Variants in UNC5B observed in about 807,000 individuals in gnomAD.
UNC5B encodes the protein unc-5 netrin receptor B.
UNC5B carries 56 observed loss-of-function variants against 103.7 expected under a neutral mutation model. The ratio of observed to expected loss-of-function variants is 0.54; its 90% CI spans 0.44 to 0.67. UNC5B has a LOEUF of 0.67. UNC5B is among the 30% of genes least tolerant of loss of function. The pLI is 0.00. For missense variants in UNC5B, 1,194 were observed against 1,284.5 expected (o/e 0.93, Z 1.08); for synonymous variants, 577 against 542.0 (o/e 1.06, Z -0.90).
intron 1 of UNC5B, among the ~76,000 whole-genome samples, chr10:71,254,204 C>T (rs1252621101): frequency 1.3e-5 from 2 of 152,236 alleles, no homozygotes; most frequent in Non-Finnish European, 2.9e-5. Context: ...TTCCTACCTA[C>T]GCCTAGCAGA....
chr10:71,228,854 A>G (rs139667505), intron 1 of UNC5B, among the ~76,000 whole-genome samples: 137 of 152,330 alleles, frequency 9.0e-4, no homozygotes, highest in African/African-American at 3.1e-3. Flanking sequence ...ACTGGGGCTC[A>G]GGAAAGTGAA....
intron 1 of UNC5B, among the ~76,000 whole-genome samples, chr10:71,244,634 G>C (rs916269586): frequency 7.2e-5 from 11 of 152,244 alleles, no homozygotes; most frequent in Non-Finnish European, 1.2e-4. Flanking sequence ...CATACGTAGA[G>C]AGGCAAGTCA....
At chr10:71,252,207 G>A (rs1844189250) in intron 1 of UNC5B, among the ~76,000 whole-genome samples, 1 of 152,148 alleles carries the variant, frequency 6.6e-6, no homozygotes, top group Non-Finnish European at 1.5e-5. Flanking sequence ...CTGATCTCTT[G>A]CCCTCTCTGG....
Position 71,286,856 on chromosome 10 carries a change from C to G in UNC5B, c.720C>G (p.Thr240=). The G allele has an allele frequency of 6.2e-7, 1 of 1,614,062 alleles. No homozygotes were observed. The highest frequency in any genetic ancestry group is 8.5e-7 in the Non-Finnish European group (1 of 1,179,954). The change falls in exon 5 of 17, where the codon ACC becomes ACG. Residue 240 remains threonine, a synonymous_variant. Transcript: ENST00000335350. ...IVAKRRSTTA[T]VIVYVNGGWS... ...CCAAACGCCGGAGCACCACTGCCAC[C>G]GTCATCGTCTACGGTGCGGGCCTTT...
intron 1 of UNC5B, among the ~76,000 whole-genome samples, chr10:71,252,350 A>G (rs1049081374): frequency 6.6e-6 from 1 of 152,150 alleles, no homozygotes. Context: ...CCTGCTGCCT[A>G]CCAAGTGTCC....
At chr10:71,287,842 G>A in intron 6 of UNC5B, 77 bp downstream of exon 6, 2 of 1,533,834 alleles carry the variant, frequency 1.3e-6, no homozygotes, top group South Asian at 1.2e-5. Context: ...AGCCGGGACA[G>A]CCATTCTCTC....
In UNC5B at chr10:71,218,513, A is replaced by G. The variant is rs528495685; in HGVS notation, c.79+5449A>G. 1.9e-3 allele frequency among the ~76,000 whole-genome samples: 284 copies of G among 152,306 alleles called. 1 individual carries two copies. Among genetic ancestry groups the G allele is most frequent in the African/African-American group, 6.5e-3 (271 of 41,560 alleles). ...GTGAGCAGGGTTTGGCCTGAGTGCC[A>G]GGTTCTGCTGTTGGAAGGGCAGAGG... On this transcript the variant is annotated intron_variant, in intron 1 of 16. Coordinates refer to ENST00000335350, the MANE Select transcript of UNC5B (RefSeq NM_170744.5).
chr10:71,297,163 T>A (rs1370792879), intron 15 of UNC5B, among the ~76,000 whole-genome samples: 1 of 152,050 alleles, frequency 6.6e-6, no homozygotes, highest in Non-Finnish European at 1.5e-5. Flanking sequence ...CCCTCTCACC[T>A]CCCAAGTCTG....
At chr10:71,287,577 T>C in intron 5 of UNC5B, 21 bp from the exon 6 acceptor site, 1 of 1,577,474 alleles carries the variant, frequency 6.3e-7, no homozygotes, top group South Asian at 1.1e-5. Flanking sequence ...AGCCATCCAG[T>C]TGACAGCTGC....
chr10:71,260,332 T>C (rs1844387594), intron 1 of UNC5B, among the ~76,000 whole-genome samples: 1 of 150,862 alleles, frequency 6.6e-6, no homozygotes, highest in African/African-American at 2.4e-5. Context: ...GGAGGTGGAG[T>C]GGGTGGAGGC....
chr10:71,218,026 C>T (rs989554399), intron 1 of UNC5B: 11 of 152,318 alleles, frequency 7.2e-5, no homozygotes, highest in African/African-American at 2.7e-4. Context: ...CGGCTCACTT[C>T]TCCAAGAAGG....
chr10:71,278,130 G>A (rs892552475), intron 1 of UNC5B, among the ~76,000 whole-genome samples: 2 of 152,142 alleles, frequency 1.3e-5, no homozygotes, highest in African/African-American at 2.4e-5. Flanking sequence ...TCTAAAATGG[G>A]GTCTAATAGA....
In UNC5B at chr10:71,254,757, A is replaced by G. The variant is rs866157219; in HGVS notation, c.80-25064A>G. ...AGGCCCCCATAGGTTCCAGCTGTGCACGTGGTGAGCCTCCACCATTGGTCC... is the reference window on the plus strand; with the variant it reads ...AGGCCCCCATAGGTTCCAGCTGTGCGCGTGGTGAGCCTCCACCATTGGTCC... On this transcript the variant is annotated intron_variant, in intron 1 of 16. Coordinates refer to ENST00000335350, the MANE Select transcript of UNC5B (RefSeq NM_170744.5). 3.3e-5 allele frequency among the ~76,000 whole-genome samples: 5 copies of G among 152,304 alleles called. No individual in the cohort carries two copies. The South Asian group carries it at 1.0e-3, about 32-fold the overall frequency.
At chr10:71,283,848 A>T (rs1844993524) in intron 2 of UNC5B, among the ~76,000 whole-genome samples, 2 of 152,110 alleles carry the variant, frequency 1.3e-5, no homozygotes, top group Admixed American at 1.3e-4. Flanking sequence ...GCTCCCTGGG[A>T]GAGGGACTTC....
At chr10:71,237,547 GT>G (rs35098702) in intron 1 of UNC5B, among the ~76,000 whole-genome samples, 56,662 of 151,954 alleles carry the variant, frequency 0.37, 11,036 homozygotes, top group East Asian at 0.52. Flanking sequence ...GGTAAGAGCA[GT>G]GAGACGTCAA....
At chr10:71,226,915 A>G (rs1843576045) in intron 1 of UNC5B, among the ~76,000 whole-genome samples, 1 of 152,034 alleles carries the variant, frequency 6.6e-6, no homozygotes. Context: ...ATGGAATACT[A>G]CTCAGTCATA....
chr10:71,232,204 G>A lies in UNC5B; in HGVS notation c.79+19140G>A, dbSNP rs559989562. Among the ~76,000 whole-genome samples the A allele has an allele frequency of 2.0e-4, 30 of 152,344 alleles. No individual in the cohort carries two copies. The South Asian group carries it at 3.7e-3, about 19-fold the overall frequency. On this transcript the variant is annotated intron_variant, in intron 1 of 16. Transcript: ENST00000335350. The stretch of plus-strand genomic sequence containing the variant: ...GGAATGGCCTGTGGCTCTGTGCACA[G>A]CCCCCCAGCACCTCCTTTTCCTGGC...
chr10:71,236,078 A>C lies in UNC5B; in HGVS notation c.79+23014A>C, dbSNP rs542638901. On this transcript the variant is annotated intron_variant, in intron 1 of 16. Transcript: ENST00000335350. Reference sequence around the variant, plus strand: ...ACTGAAGGGGCCTTCTGGTCGGGGCAGGAGGGAACAGTGGAGATCTGAGTC... The same window carrying C: ...ACTGAAGGGGCCTTCTGGTCGGGGCCGGAGGGAACAGTGGAGATCTGAGTC... Among the ~76,000 whole-genome samples the C allele has an allele frequency of 3.9e-5, 6 of 152,376 alleles. No individual in the cohort carries two copies. The South Asian group carries it at 1.2e-3, about 32-fold the overall frequency.
chr10:71,253,542 C>G (rs1156325222), intron 1 of UNC5B, among the ~76,000 whole-genome samples: 1 of 152,214 alleles, frequency 6.6e-6, no homozygotes, highest in African/African-American at 2.4e-5. Context: ...TTGGTTCTGA[C>G]CACAGTGGGG....
Sources: allele counts gnomAD v4.1 joint callset (sites outside exome capture counted in the v4.1 genomes callset), GRCh38; gene constraint gnomAD v4.1.1; transcripts MANE v1.5; gene names NCBI Gene and HGNC (gene_info 2026-07-23, HGNC 2026-07-21).